Variants in WDR70 observed in about 807,000 individuals in gnomAD.
WDR70 encodes WD repeat-containing protein 70.
Under a neutral mutation model 88.6 loss-of-function variants are expected in WDR70, and 53 were observed. The observed-to-expected ratio is 0.60, with a 90% confidence interval of 0.48 to 0.75. The LOEUF (loss-of-function observed/expected upper bound fraction) is 0.75. WDR70 is among the 30% of genes least tolerant of loss of function. The probability of loss-of-function intolerance (pLI) is 0.00; values close to 1 mark genes in which losing one functional copy is unlikely to be tolerated. For synonymous variants in WDR70, 280 were observed against 270.0 expected (o/e 1.04, Z -0.36); for missense variants, 610 against 823.2 (o/e 0.74, Z 3.17).
Position 37,398,727 on chromosome 5 carries a change from A to G in WDR70, c.492+2157A>G, listed in dbSNP as rs141248461. Among the ~76,000 whole-genome samples the G allele has an allele frequency of 1.2e-4, 18 of 152,370 alleles. No homozygotes were observed. The East Asian group carries it at 3.5e-3, about 29-fold the overall frequency. On this transcript the variant is annotated intron_variant, in intron 5 of 17. Coordinates refer to ENST00000265107, the MANE Select transcript of WDR70 (RefSeq NM_018034.4). ...AATTAAGAAAACAAACAAGAATAAA[A>G]TAAGAATAAATTTGGCAGTTTCATT... is the stretch of plus-strand genomic sequence containing the variant.
intron 10 of WDR70, chr5:37,687,808 T>A (rs1009143377): frequency 1.2e-5 from 6 of 481,396 alleles, no homozygotes; most frequent in Admixed American, 3.4e-5. Context: ...AGGCTATATG[T>A]CTTTCTACCT....
At chr5:37,634,695 T>A (rs1323927290) in intron 10 of WDR70, among the ~76,000 whole-genome samples, 1 of 151,942 alleles carries the variant, frequency 6.6e-6, no homozygotes, top group Non-Finnish European at 1.5e-5. Flanking sequence ...GAGAACAGAG[T>A]GTACTAAAGT....
intron 2 of WDR70, among the ~76,000 whole-genome samples, chr5:37,379,852 T>TA (rs1174457077): frequency 6.6e-6 from 1 of 152,192 alleles, no homozygotes; most frequent in Non-Finnish European, 1.5e-5. Flanking sequence ...CGAGGATTTT[T>TA]AAAAATACGT....
intron 9 of WDR70, among the ~76,000 whole-genome samples, chr5:37,603,813 AAT>A (rs1245161308): frequency 6.6e-6 from 1 of 152,236 alleles, no homozygotes; most frequent in African/African-American, 2.4e-5. Flanking sequence ...TGATTATAAA[AAT>A]ATGATAGCAA....
intron 9 of WDR70, among the ~76,000 whole-genome samples, chr5:37,573,334 T>A (rs1430870884): frequency 6.6e-6 from 1 of 152,162 alleles, no homozygotes; most frequent in East Asian, 1.9e-4. Context: ...ACAGTAAGAA[T>A]AACAAAAGGC....
chr5:37,455,745 T>C (rs1314092660), intron 7 of WDR70, among the ~76,000 whole-genome samples: 1 of 151,076 alleles, frequency 6.6e-6, no homozygotes, highest in Non-Finnish European at 1.5e-5. Context: ...TTTATTCAGG[T>C]ATAATTTACA....
intron 10 of WDR70, among the ~76,000 whole-genome samples, chr5:37,680,436 C>T (rs1054917632): frequency 1.6e-4 from 24 of 152,124 alleles, no homozygotes; most frequent in African/African-American, 3.6e-4. Context: ...GCTTCTGTCG[C>T]GATTGCTTTT....
At chr5:37,470,147 G>A (rs571047385) in intron 7 of WDR70, among the ~76,000 whole-genome samples, 13 of 144,226 alleles carry the variant, frequency 9.0e-5, no homozygotes, top group African/African-American at 3.2e-4. Flanking sequence ...AAAAAAAAAC[G>A]CACAAAAATA....
intron 7 of WDR70, among the ~76,000 whole-genome samples, chr5:37,466,736 A>T (rs1409039475): frequency 7.1e-5 from 10 of 140,276 alleles, no homozygotes; most frequent in Non-Finnish European, 1.2e-4. Context: ...AAAAAAAAAA[A>T]TTTAAGTTCT....
intron 3 of WDR70, among the ~76,000 whole-genome samples, chr5:37,383,898 A>G (rs1218896398): frequency 6.6e-6 from 1 of 152,156 alleles, no homozygotes; most frequent in East Asian, 1.9e-4. Context: ...CTTCATTATT[A>G]TGTGAAATTT....
intron 8 of WDR70, among the ~76,000 whole-genome samples, chr5:37,483,101 G>GCTTTT (rs1270855677): frequency 0.031 from 4,013 of 129,730 alleles, 83 homozygotes; most frequent in South Asian, 0.076. Flanking sequence ...AGTGGTCTCA[G>GCTTTT]TTTTTTTTTT....
At chr5:37,497,492 T>TCCCTC (rs1740265914) in intron 8 of WDR70, among the ~76,000 whole-genome samples, 1 of 135,106 alleles carries the variant, frequency 7.4e-6, no homozygotes, top group Non-Finnish European at 1.6e-5. Flanking sequence ...TCCCTTCCCT[T>TCCCTC]CCCTCTTCCC....
At chr5:37,728,373 A>C (rs995490470) in intron 17 of WDR70, among the ~76,000 whole-genome samples, 3 of 151,840 alleles carry the variant, frequency 2.0e-5, no homozygotes, top group Admixed American at 6.6e-5. Context: ...ACAAAAAAAA[A>C]AAACAAACTA....
At chr5:37,452,897 G>A (rs1403203561) in intron 7 of WDR70, among the ~76,000 whole-genome samples, 1 of 152,196 alleles carries the variant, frequency 6.6e-6, no homozygotes, top group East Asian at 1.9e-4. Context: ...GGAGATAGAA[G>A]TCCAAGTCTA....
chr5:37,566,430 T>G (rs1023439296), intron 9 of WDR70, among the ~76,000 whole-genome samples: 10 of 152,136 alleles, frequency 6.6e-5, no homozygotes, highest in African/African-American at 2.4e-4. Flanking sequence ...GAGATAATTT[T>G]TTTTTCTTTA....
rs142856067 is a variant in WDR70 at position 37,379,496 on chromosome 5, C to T, written c.33C>T (p.Gly11=). Reference sequence around the variant, plus strand: ...CTTTTCCTCTTGCTCCAGTGACAGGCTCAGACGCGTCGGGACCGGACCCGC... The same window carrying T: ...CTTTTCCTCTTGCTCCAGTGACAGGTTCAGACGCGTCGGGACCGGACCCGC... MERSGPSEVT[G]SDASGPDPQL... The change falls in exon 2 of 18, where the codon GGC becomes GGT. Residue 11 remains glycine (G), a synonymous_variant. Coordinates refer to ENST00000265107, the MANE Select transcript of WDR70 (RefSeq NM_018034.4). The T allele has an allele frequency of 1.9e-6, 3 of 1,613,990 alleles. No homozygotes were observed. Among genetic ancestry groups the T allele is most frequent in the Admixed American group, 1.7e-5 (1 of 60,010 alleles).
chr5:37,443,076 A>G (rs1426407493), intron 6 of WDR70, among the ~76,000 whole-genome samples, 163 bp from the exon 7 acceptor site: 1 of 152,204 alleles, frequency 6.6e-6, no homozygotes, highest in Non-Finnish European at 1.5e-5. Flanking sequence ...AATAATATGG[A>G]AGGCAACCAT....
At chr5:37,620,032 G>C (rs932286605) in intron 10 of WDR70, 1 of 151,248 alleles carries the variant, frequency 6.6e-6, no homozygotes, top group Non-Finnish European at 1.5e-5. Context: ...TTGCACAGGG[G>C]CCATGGTAAT....
intron 9 of WDR70, among the ~76,000 whole-genome samples, chr5:37,542,323 A>G (rs1741846530): frequency 1.4e-5 from 2 of 147,812 alleles, no homozygotes; most frequent in African/African-American, 2.5e-5. Flanking sequence ...TCTGTCACCC[A>G]GGCTGGAGTG....
Sources: allele counts gnomAD v4.1 joint callset (sites outside exome capture counted in the v4.1 genomes callset), GRCh38; gene constraint gnomAD v4.1.1; transcripts MANE v1.5; gene names NCBI Gene and HGNC (gene_info 2026-07-23, HGNC 2026-07-21).